The following PSKH2 variants were observed in gnomAD, a reference collection of about 807,000 sequenced individuals.
PSKH2 encodes the protein serine/threonine-protein kinase H2.
Under a neutral mutation model 22.5 loss-of-function variants are expected in PSKH2, and 16 were observed. That is an observed-to-expected ratio of 0.71 (90% CI 0.48 to 1.08). PSKH2 has a LOEUF of 1.08. Among genes scored for constraint, PSKH2 ranks in the 50% least tolerant of loss-of-function variants. PSKH2 has a pLI of 0.00. For missense variants in PSKH2, 516 were observed against 492.8 expected (o/e 1.05, Z -0.44); for synonymous variants, 188 against 184.8 (o/e 1.02, Z -0.14).
At position 86,055,909 on chromosome 8, in the gene PSKH2, G is replaced by A. The variant is rs543477110; in HGVS notation, c.853-7142C>T. Among the ~76,000 whole-genome samples the A allele has an allele frequency of 2.0e-5, 3 of 152,188 alleles. No homozygotes were observed. The South Asian group carries it at 6.2e-4, about 32-fold the overall frequency. On this transcript the variant is annotated intron_variant, in intron 2 of 2. Transcript: ENST00000276616. The stretch of plus-strand genomic sequence containing the variant: ...GTATGAGAATCACAGGTGAACCTAA[G>A]TAGATAGGGACCATTTTCTATCAAT...
chr8:86,050,191 T>G (rs758633543), intron 2 of PSKH2, among the ~76,000 whole-genome samples: 7 of 148,548 alleles, frequency 4.7e-5, no homozygotes, highest in Non-Finnish European at 8.9e-5. Flanking sequence ...CAAATTTGCT[T>G]TCTGCATTAT....
chr8:86,048,916 A>G (rs571389706), intron 2 of PSKH2, 149 bp from the exon 3 acceptor site: 3 of 605,984 alleles, frequency 5.0e-6, no homozygotes, highest in African/African-American at 3.7e-5. Context: ...GTGTCATTAC[A>G]TATATAGAGG....
chr8:86,054,691 C>G (rs561473778), intron 2 of PSKH2, among the ~76,000 whole-genome samples: 8 of 152,092 alleles, frequency 5.3e-5, no homozygotes, highest in Non-Finnish European at 1.2e-4. Context: ...TTTGTAAATT[C>G]TGGGAAGAGT....
At chr8:86,068,526 C>T (rs1433796787) in intron 1 of PSKH2, among the ~76,000 whole-genome samples, 1 of 152,162 alleles carries the variant, frequency 6.6e-6, no homozygotes, top group Non-Finnish European at 1.5e-5. Flanking sequence ...GCATAATTTA[C>T]ATGTATTACT....
At position 86,047,958 on chromosome 8, in the gene PSKH2, C is replaced by G. The variant is rs1347262950; in HGVS notation, c.*504G>C. On this transcript the variant is annotated 3_prime_UTR_variant, in exon 3 of 3. Coordinates refer to ENST00000276616, the MANE Select transcript of PSKH2 (RefSeq NM_033126.3). The stretch of plus-strand genomic sequence containing the variant: ...ATATCTTATAGTTCTTTATAGGCCC[C>G]ATAATTAATAATTTTTCATAAATAT... Among the ~76,000 whole-genome samples, 3 of 152,112 alleles carry G rather than the reference C, an allele frequency of 2.0e-5. No homozygotes were observed. The South Asian group carries it at 6.2e-4, about 32-fold the overall frequency.
chr8:86,064,603 C>T lies in PSKH2; in HGVS notation c.214G>A (p.Gly72Ser). 1 of 1,613,476 alleles carries T rather than the reference C, an allele frequency of 6.2e-7. No individual in the cohort carries two copies. Among genetic ancestry groups the T allele is most frequent in the Non-Finnish European group, 8.5e-7 (1 of 1,179,792 alleles). ...RYDIKALIGT[G>S]SFSRVVRVEQ... is the part of the protein sequence containing the mutation. ...ACCCTGACAACCCTGCTGAAACTGC[C>T]TGTCCCAATAAGAGCTTTGATGTCA... The change falls in exon 2 of 3, where the codon GGC becomes AGC. Residue 72 changes from glycine (G) to serine (S), a missense_variant. Coordinates refer to ENST00000276616, the MANE Select transcript of PSKH2 (RefSeq NM_033126.3).
chr8:86,067,237 C>T (rs1817878162), intron 1 of PSKH2, among the ~76,000 whole-genome samples: 2 of 151,918 alleles, frequency 1.3e-5, no homozygotes, highest in Non-Finnish European at 2.9e-5. Context: ...AAATAAATGC[C>T]TCAGATTGTT....
In PSKH2 at chr8:86,048,579, G is replaced by A. The variant is rs934209699; in HGVS notation, c.1041C>T (p.His347=). The A allele has an allele frequency of 1.2e-6, 2 of 1,614,138 alleles. No homozygotes were observed. The highest frequency in any genetic ancestry group is 1.3e-5 in the African/African-American group (1 of 75,046). Residue 347 remains histidine (H), a synonymous_variant, in exon 3 of 3, where the codon CAC becomes CAT. Coordinates refer to ENST00000276616, the MANE Select transcript of PSKH2 (RefSeq NM_033126.3). ...SRNLMQRASP[H]SQSPGSAQSS... ...ACTGTGCAGATCCAGGACTCTGAGA[G>A]TGGGGAGAGGCCCTCTGCATGAGGT...
At chr8:86,055,536 A>G (rs1817688743) in intron 2 of PSKH2, among the ~76,000 whole-genome samples, 1 of 152,248 alleles carries the variant, frequency 6.6e-6, no homozygotes. Flanking sequence ...AAATATCATT[A>G]AAAATAATTA....
chr8:86,052,351 C>T (rs987252543), intron 2 of PSKH2, among the ~76,000 whole-genome samples: 37 of 152,140 alleles, frequency 2.4e-4, no homozygotes, highest in African/African-American at 8.5e-4. Flanking sequence ...GACATGACCC[C>T]GAGTCCCACT....
chr8:86,069,699 A>C, upstream of PSKH2: 2 of 1,403,478 alleles, frequency 1.4e-6, no homozygotes, highest in South Asian at 1.6e-5. Flanking sequence ...CCTTTATCAA[A>C]GAGCAGCTGC....
At chr8:86,052,076 C>T (rs1385953572) in intron 2 of PSKH2, among the ~76,000 whole-genome samples, 2 of 152,100 alleles carry the variant, frequency 1.3e-5, no homozygotes, top group Non-Finnish European at 2.9e-5. Flanking sequence ...ACGTACATAT[C>T]TATTAATGAA....
chr8:86,065,709 C>T (rs993512035), intron 1 of PSKH2, among the ~76,000 whole-genome samples: 12 of 152,118 alleles, frequency 7.9e-5, no homozygotes, highest in Non-Finnish European at 1.6e-4. Context: ...ACGGTGGGCT[C>T]ATCGTGTAAT....
intron 1 of PSKH2, among the ~76,000 whole-genome samples, chr8:86,068,510 T>G (rs1171112690): frequency 6.6e-6 from 1 of 152,236 alleles, no homozygotes; most frequent in Non-Finnish European, 1.5e-5. Flanking sequence ...TACCATGCAC[T>G]GTGCAGCATA....
intron 2 of PSKH2, among the ~76,000 whole-genome samples, chr8:86,052,069 T>C (rs1161230218): frequency 6.6e-6 from 1 of 152,180 alleles, no homozygotes; most frequent in East Asian, 1.9e-4. Flanking sequence ...TACATACACG[T>C]ACATATCTAT....
chr8:86,058,550 A>T (rs1817735943), intron 2 of PSKH2, among the ~76,000 whole-genome samples: 1 of 152,208 alleles, frequency 6.6e-6, no homozygotes, highest in African/African-American at 2.4e-5. Flanking sequence ...TTCCTTTTAG[A>T]TGTCTTACTG....
chr8:86,064,628 A>G lies in PSKH2; in HGVS notation c.189T>C (p.Tyr63=). 3 of 1,607,128 alleles carry G rather than the reference A, an allele frequency of 1.9e-6. No homozygotes were observed. Among genetic ancestry groups the G allele is most frequent in the East Asian group, 2.2e-5 (1 of 44,844 alleles). ...CTGTCCCAATAAGAGCTTTGATGTC[A>G]TATCTGTTGGGAAGAAAAACCAAAC... ...AKFDPRVLAR[Y]DIKALIGTGS... is the part of the protein sequence containing the mutation. Residue 63 remains tyrosine (Y), a synonymous_variant, in exon 2 of 3, where the codon TAT becomes TAC. Transcript: ENST00000276616.
At chr8:86,059,619 A>G (rs1817750115) in intron 2 of PSKH2, among the ~76,000 whole-genome samples, 1 of 152,140 alleles carries the variant, frequency 6.6e-6, no homozygotes, top group Admixed American at 6.5e-5. Flanking sequence ...GAAACTTGTG[A>G]TCGTATTGGG....
chr8:86,049,688 A>T (rs1370325904), intron 2 of PSKH2, among the ~76,000 whole-genome samples: 1 of 11,950 alleles, frequency 8.4e-5, no homozygotes. Context: ...GAAAGAAAGA[A>T]AGAAAGAAAG....
Sources: gnomAD v4.1 joint callset for allele counts (sites outside exome capture counted in the v4.1 genomes callset) on GRCh38, gnomAD v4.1.1 for gene constraint, MANE v1.5 for transcripts, NCBI Gene and HGNC (gene_info 2026-07-23, HGNC 2026-07-21) for gene names.